The following VLDLR variants were observed in gnomAD, a reference collection of about 807,000 sequenced individuals.
VLDLR encodes very low-density lipoprotein receptor.
VLDLR carries 81 observed loss-of-function variants against 112.7 expected under a neutral mutation model. The observed-to-expected ratio is 0.72, with a 90% CI of 0.60 to 0.86. The LOEUF (loss-of-function observed/expected upper bound fraction) is 0.86. VLDLR is among the 40% of genes least tolerant of loss of function. VLDLR has a pLI of 0.00. For synonymous variants in VLDLR, 436 were observed against 384.8 expected, an observed-to-expected ratio of 1.13 and a Z score of -1.56; for missense variants, 1,237 against 1,099.4, an observed-to-expected ratio of 1.13 and a Z score of -1.77.
chr9:2,637,257 A>G (rs1282839823), intron 2 of VLDLR, among the ~76,000 whole-genome samples: 1 of 152,044 alleles, frequency 6.6e-6, no homozygotes, highest in East Asian at 1.9e-4. Flanking sequence ...TTTTAGTCTA[A>G]CCTCTTAATA....
At chr9:2,626,860 G>T (rs1420937101) in intron 1 of VLDLR, among the ~76,000 whole-genome samples, 1 of 152,172 alleles carries the variant, frequency 6.6e-6, no homozygotes, top group Non-Finnish European at 1.5e-5. Context: ...AGTAAACAGG[G>T]TTTCTATTTT....
rs993309263 is a variant in VLDLR, at chr9:2,658,787, C to T, written c.*4919C>T. The T allele has an allele frequency of 3.9e-5, 6 of 152,042 alleles. No homozygotes were observed. Among genetic ancestry groups the T allele is most frequent in the African/African-American group, 7.3e-5 (3 of 41,368 alleles). 9.4% of individuals were successfully genotyped at this position (152,042 alleles called of 1,614,324 possible). On this transcript the variant is annotated 3_prime_UTR_variant, in exon 19 of 19. Transcript: ENST00000382100. Reference sequence around the variant, plus strand: ...TGTATTTACTGTCACACACAGGCACCGGTAAGTGACTTTACCGGTGAAAGT... The same window carrying T: ...TGTATTTACTGTCACACACAGGCACTGGTAAGTGACTTTACCGGTGAAAGT...
chr9:2,628,607 T>C (rs1817202381), intron 1 of VLDLR, among the ~76,000 whole-genome samples: 1 of 152,174 alleles, frequency 6.6e-6, no homozygotes, highest in Admixed American at 6.5e-5. Context: ...TGTGGCAGCC[T>C]GGAGGCAAAG....
intron 1 of VLDLR, among the ~76,000 whole-genome samples, chr9:2,631,865 C>G (rs941698512): frequency 2.6e-5 from 4 of 152,024 alleles, no homozygotes; most frequent in African/African-American, 9.7e-5. Context: ...ACAAACACCA[C>G]CAAGAAGAAC....
At chr9:2,639,400 G>A (rs976947045) in intron 2 of VLDLR, among the ~76,000 whole-genome samples, 2 of 152,156 alleles carry the variant, frequency 1.3e-5, no homozygotes, top group African/African-American at 4.8e-5. Context: ...CATGTTAGGG[G>A]TTAGGATTTC....
At position 2,656,527 on chromosome 9, in the gene VLDLR, C is replaced by T. The variant is rs942453570; in HGVS notation, c.*2659C>T. ...ATAATAGTGCATGAATGATAACAGG[C>T]CTCGGCTTTATCACCCAAAAAATAA... On this transcript the variant is annotated 3_prime_UTR_variant, in exon 19 of 19. Coordinates refer to ENST00000382100, the MANE Select transcript of VLDLR (RefSeq NM_003383.5). 1 of 152,144 alleles carries T rather than the reference C, an allele frequency of 6.6e-6. No homozygotes were observed. The highest frequency in any genetic ancestry group is 1.5e-5 in the Non-Finnish European group (1 of 68,026). 9.4% of individuals were successfully genotyped at this position (152,144 alleles called of 1,614,324 possible).
At chr9:2,652,098 C>T in intron 17 of VLDLR, 144 bp downstream of exon 17, 2 of 748,562 alleles carry the variant, frequency 2.7e-6, no homozygotes, top group Non-Finnish European at 4.6e-6. Flanking sequence ...TTCTCCCCCA[C>T]ATAATACACT....
intron 18 of VLDLR, 96 bp from the exon 19 acceptor site, chr9:2,653,737 T>G: frequency 2.2e-6 from 3 of 1,335,322 alleles, no homozygotes; most frequent in Non-Finnish European, 3.2e-6. Context: ...TCTGAGTGTT[T>G]GAATGACCAA....
In VLDLR at chr9:2,643,737, C is replaced by A; in HGVS notation, c.930C>A (p.Val310=). The A allele has an allele frequency of 1.2e-6, 2 of 1,614,118 alleles. No individual in the cohort carries two copies. The highest frequency in any genetic ancestry group is 2.2e-5 in the South Asian group (2 of 91,068). ...ACTGTGTCGATGGTTCCGATGAAGT[C>A]AACTGCAAAAATGGTAAGGGTTTCT... ...IRDCVDGSDE[V]NCKNVNQCLG... Residue 310 remains valine (V), a synonymous_variant, in exon 6 of 19, where the codon GTC becomes GTA. Coordinates refer to ENST00000382100, the MANE Select transcript of VLDLR (RefSeq NM_003383.5).
intron 16 of VLDLR, 119 bp downstream of exon 16, chr9:2,651,617 AT>A: frequency 1.0e-6 from 1 of 1,001,378 alleles, no homozygotes; most frequent in Non-Finnish European, 1.5e-6. Flanking sequence ...GGTAACCTAT[AT>A]TTAAACACCA....
In VLDLR at chr9:2,627,006, G is replaced by A. The variant is rs368704890; in HGVS notation, c.82+4735G>A. ...GTGCATCTTCTGGAAACCACTTAATGTACATCTACTGAGTACCTACCATAT... is the reference window on the plus strand; with the variant it reads ...GTGCATCTTCTGGAAACCACTTAATATACATCTACTGAGTACCTACCATAT... On this transcript the variant is annotated intron_variant, in intron 1 of 18. Coordinates refer to ENST00000382100, the MANE Select transcript of VLDLR (RefSeq NM_003383.5). Among the ~76,000 whole-genome samples, 47 of 152,302 alleles carry A rather than the reference G, an allele frequency of 3.1e-4. No homozygotes were observed. In the South Asian group the frequency reaches 9.3e-3, roughly 30 times the overall value.
rs773401239 is a variant in VLDLR, at chr9:2,653,878, C to G, written c.*10C>G. 1.2e-6 allele frequency: 2 copies of G among 1,613,684 alleles called. No homozygotes were observed. Among genetic ancestry groups the G allele is most frequent in the Admixed American group, 3.3e-5 (2 of 59,988 alleles). On this transcript the variant is annotated 3_prime_UTR_variant, in exon 19 of 19. Coordinates refer to ENST00000382100, the MANE Select transcript of VLDLR (RefSeq NM_003383.5). ...TGATGATCTAGCTTGACTTCTGTGA[C>G]AAATGTTGACCTTTGAGGTCTAAAC...
In VLDLR at chr9:2,646,376, C is replaced by G. The variant is rs116467449; in HGVS notation, c.1527C>G (p.Ile509Met). ...DDKVGRHVKM[I>M]DNVYNPAAIA... ...AGGTTGGTAGACATGTTAAAATGAT[C>G]GACAATGTCTATAATCCTGCAGCCA... is the stretch of plus-strand genomic sequence containing the variant. Residue 509 changes from isoleucine to methionine, a missense_variant, in exon 11 of 19, where the codon ATC becomes ATG. Ile to Met is a conservative substitution (Grantham distance 10, BLOSUM62 1). Coordinates refer to ENST00000382100, the MANE Select transcript of VLDLR (RefSeq NM_003383.5). 5.0e-6 allele frequency: 8 copies of G among 1,614,134 alleles called. No individual in the cohort carries two copies. The highest frequency in any genetic ancestry group is 1.7e-5 in the Admixed American group (1 of 60,026).
Position 2,643,768 on chromosome 9 carries a change from T to G in VLDLR, c.943+18T>G. 1 of 1,614,170 alleles carries G rather than the reference T, an allele frequency of 6.2e-7. No individual in the cohort carries two copies. The highest frequency in any genetic ancestry group is 2.2e-5 in the East Asian group (1 of 44,886). On this transcript the variant is annotated intron_variant, in intron 6 of 18. Coordinates refer to ENST00000382100, the MANE Select transcript of VLDLR (RefSeq NM_003383.5). ...CAAAAATGGTAAGGGTTTCTTCTTGTTGGTTAAGCAATGGATTGCTCTGAC... is the reference window on the plus strand; with the variant it reads ...CAAAAATGGTAAGGGTTTCTTCTTGGTGGTTAAGCAATGGATTGCTCTGAC...
chr9:2,646,114 T>G (rs1036488864), intron 10 of VLDLR, among the ~76,000 whole-genome samples: 1 of 151,996 alleles, frequency 6.6e-6, no homozygotes, highest in African/African-American at 2.4e-5. Context: ...AGAAATTTGT[T>G]GTTCTTGTAT....
chr9:2,650,250 C>T (rs1740816766), intron 14 of VLDLR, 120 bp from the exon 15 acceptor site: 6 of 1,202,484 alleles, frequency 5.0e-6, no homozygotes, highest in Non-Finnish European at 6.0e-6. Context: ...GAAGGATTAG[C>T]AGAGTAGACA....
intron 1 of VLDLR, among the ~76,000 whole-genome samples, chr9:2,633,223 T>C (rs1012323460): frequency 2.0e-5 from 3 of 152,238 alleles, no homozygotes; most frequent in Non-Finnish European, 4.4e-5. Context: ...TAGAAAATGC[T>C]GATGCCTGTC....
chr9:2,634,528 T>C (rs1377860226), intron 1 of VLDLR, among the ~76,000 whole-genome samples: 1 of 152,218 alleles, frequency 6.6e-6, no homozygotes, highest in African/African-American at 2.4e-5. Context: ...ACCTGAACAT[T>C]AGCTGGCCTG....
chr9:2,629,798 T>C (rs1001889269), intron 1 of VLDLR, among the ~76,000 whole-genome samples: 1 of 151,640 alleles, frequency 6.6e-6, no homozygotes, highest in South Asian at 2.1e-4. Context: ...TTGTTGCTGT[T>C]TGTTTGTTTG....
Sources: allele counts gnomAD v4.1 joint callset (sites outside exome capture counted in the v4.1 genomes callset), GRCh38; gene constraint gnomAD v4.1.1; transcripts MANE v1.5; gene names NCBI Gene and HGNC (gene_info 2026-07-23, HGNC 2026-07-21).